Variants in SMPX observed in about 807,000 individuals in gnomAD.
The protein encoded by SMPX is small muscular protein.
A neutral mutation model predicts 6.3 loss-of-function variants in SMPX; 2 were observed. The observed-to-expected ratio is 0.32, with a 90% CI of 0.13 to 0.99. The LOEUF is 0.99. Ranked by LOEUF, SMPX falls within the 50% of genes least tolerant of loss-of-function variation. The pLI is 0.49. For synonymous variants in SMPX, 32 were observed against 24.7 expected (o/e 1.30, Z -0.88); for missense variants, 60 against 66.8 (o/e 0.90, Z 0.36).
chrX:21,749,789 A>C (rs1023412253), intron 2 of SMPX, among the ~76,000 whole-genome samples: 2 of 112,062 alleles, frequency 1.8e-5, no homozygotes, highest in Non-Finnish European at 3.8e-5. Flanking sequence ...GATATTCTCA[A>C]GAAGTTCACA....
intron 3 of SMPX, 54 bp downstream of exon 3, chrX:21,743,696 A>G (rs2092818501): frequency 9.6e-7 from 1 of 1,043,418 alleles, no homozygotes; most frequent in Non-Finnish European, 1.3e-6. Context: ...CCCTCTGGTG[A>G]GGATTTTAGA....
At chrX:21,707,150 G>T (rs1041175960) in intron 4 of SMPX, among the ~76,000 whole-genome samples, 1 of 108,052 alleles carries the variant, frequency 9.3e-6, no homozygotes, top group African/African-American at 3.4e-5. Context: ...CTGCCTCTAT[G>T]AGTTTAATGT....
intron 4 of SMPX, among the ~76,000 whole-genome samples, chrX:21,713,649 C>T (rs772775512): frequency 1.8e-5 from 2 of 111,452 alleles, no homozygotes; most frequent in South Asian, 3.8e-4. Flanking sequence ...GAGAAAGACC[C>T]GCCCCCATGA....
intron 4 of SMPX, among the ~76,000 whole-genome samples, chrX:21,713,085 A>G (rs894051414): frequency 1.8e-5 from 2 of 112,696 alleles, no homozygotes; most frequent in African/African-American, 6.4e-5. Flanking sequence ...CACAGTCACA[A>G]TGATGGTAAT....
rs183520271 is a variant in SMPX, at chrX:21,731,448, T to C, written c.*14+6101A>G. Among the ~76,000 whole-genome samples the C allele has an allele frequency of 4.9e-3, 435 of 88,987 alleles. 5 individuals carry two copies. Among genetic ancestry groups the C allele is most frequent in the African/African-American group, 0.017 (393 of 23,505 alleles). The allele number at this position is 88,987 out of a possible 115,157, so 77.3% of individuals were successfully genotyped here. ...ACATATATGTGTGTATGTGTACACATACACATAATGTGTGTATGTGTACAC... is the reference window on the plus strand; with the variant it reads ...ACATATATGTGTGTATGTGTACACACACACATAATGTGTGTATGTGTACAC... On this transcript the variant is annotated intron_variant, in intron 4 of 4. Transcript: ENST00000379494.
rs182205545 is a variant in SMPX, at chrX:21,743,643, C to A, written c.132+107G>T. 3 of 617,291 alleles carry A rather than the reference C, an allele frequency of 4.9e-6. No homozygotes were observed. The Admixed American group carries it at 7.2e-5, about 15-fold the overall frequency. The allele number at this position is 617,291 out of a possible 1,213,427, so 50.9% of individuals were successfully genotyped here. On this transcript the variant is annotated intron_variant, in intron 3 of 4. Coordinates refer to ENST00000379494, the MANE Select transcript of SMPX (RefSeq NM_014332.3). ...ATTCCTTGACACACAGCCATTTGCC[C>A]CCTCCCTTGTCCTGGATAGCCAGCC...
At chrX:21,725,466 T>C (rs1476958679) in intron 4 of SMPX, among the ~76,000 whole-genome samples, 1 of 112,740 alleles carries the variant, frequency 8.9e-6, no homozygotes, top group East Asian at 2.8e-4. Flanking sequence ...TCCAAGTATT[T>C]CTTAAGCTGA....
At chrX:21,734,882 T>A (rs1412762218) in intron 4 of SMPX, among the ~76,000 whole-genome samples, 1 of 111,911 alleles carries the variant, frequency 8.9e-6, no homozygotes, top group Non-Finnish European at 1.9e-5. Flanking sequence ...GAGGCACTGA[T>A]CTTGGCTAGA....
At chrX:21,717,231 G>A (rs766764162) in intron 4 of SMPX, among the ~76,000 whole-genome samples, 3 of 111,843 alleles carry the variant, frequency 2.7e-5, no homozygotes, top group South Asian at 3.8e-4. Flanking sequence ...TGCTGTTCTC[G>A]TGAGAGTGAG....
chrX:21,715,737 C>T (rs903218517), intron 4 of SMPX, among the ~76,000 whole-genome samples: 2 of 110,641 alleles, frequency 1.8e-5, no homozygotes, highest in African/African-American at 3.3e-5. Context: ...TTTTGCCCCC[C>T]ACCCCGTGGT....
chrX:21,740,717 C>A (rs751285634), intron 3 of SMPX, among the ~76,000 whole-genome samples: 3 of 112,361 alleles, frequency 2.7e-5, no homozygotes, highest in African/African-American at 9.7e-5. Context: ...CCCTGTCTTA[C>A]AGTGGAGAAG....
intron 2 of SMPX, among the ~76,000 whole-genome samples, chrX:21,744,238 C>G (rs2092819108): frequency 9.0e-6 from 1 of 111,479 alleles, no homozygotes; most frequent in Admixed American, 9.5e-5. Flanking sequence ...ACACCTTAGC[C>G]CTCCTTCCGG....
At chrX:21,740,684 T>C (rs1303732329) in intron 3 of SMPX, among the ~76,000 whole-genome samples, 1 of 111,920 alleles carries the variant, frequency 8.9e-6, no homozygotes, top group Non-Finnish European at 1.9e-5. Flanking sequence ...ACCTCAACCA[T>C]AGAAATCTGG....
At chrX:21,731,428 T>TATGTGTGTATGTGTACACATACAC (rs2092803155) in intron 4 of SMPX, among the ~76,000 whole-genome samples, 2 of 52,734 alleles carry the variant, frequency 3.8e-5, no homozygotes, top group African/African-American at 1.5e-4. Context: ...TACACACATA[T>TATGTGTGTATGTGTACACATACAC]ATGTGTGTAT....
At chrX:21,720,367 C>A (rs1230226961) in intron 4 of SMPX, among the ~76,000 whole-genome samples, 2 of 112,149 alleles carry the variant, frequency 1.8e-5, no homozygotes, top group East Asian at 2.8e-4. Flanking sequence ...TGTGAGTGAG[C>A]CATCCTGGAA....
Position 21,706,238 on chromosome X carries a change from A to T in SMPX, c.*171T>A. 1 of 506,645 alleles carries T rather than the reference A, an allele frequency of 2.0e-6. No individual in the cohort carries two copies. Among genetic ancestry groups the T allele is most frequent in the South Asian group, 2.5e-5 (1 of 40,023 alleles). 41.8% of individuals were successfully genotyped at this position (506,645 alleles called of 1,213,427 possible). ...TGCCAAAAATGAAGATAAAGTAAGA[A>T]ATACAGCCAACTAGAAGGAAGAGAT... is the stretch of plus-strand genomic sequence containing the variant. On this transcript the variant is annotated 3_prime_UTR_variant, in exon 5 of 5. Coordinates refer to ENST00000379494, the MANE Select transcript of SMPX (RefSeq NM_014332.3).
intron 4 of SMPX, among the ~76,000 whole-genome samples, chrX:21,716,822 A>G (rs1008451210): frequency 2.1e-4 from 23 of 112,112 alleles, no homozygotes; most frequent in African/African-American, 7.1e-4. Flanking sequence ...TTGGAAAGAA[A>G]GAAGAGAGAT....
intron 4 of SMPX, among the ~76,000 whole-genome samples, chrX:21,725,311 A>G (rs2092795750): frequency 8.9e-6 from 1 of 112,203 alleles, no homozygotes; most frequent in Non-Finnish European, 1.9e-5. Context: ...AGACTCCAAT[A>G]GTACATAGCC....
intron 4 of SMPX, among the ~76,000 whole-genome samples, chrX:21,731,527 C>T (rs747256124): frequency 1.9e-4 from 13 of 67,412 alleles, no homozygotes; most frequent in South Asian, 1.0e-3. Flanking sequence ...TATGTGTACA[C>T]ATACACATTA....
Sources: allele counts gnomAD v4.1 joint callset (sites outside exome capture counted in the v4.1 genomes callset), GRCh38; gene constraint gnomAD v4.1.1; transcripts MANE v1.5; gene names NCBI Gene and HGNC (gene_info 2026-07-23, HGNC 2026-07-21).